ENTREP2: variants seen among roughly 807,000 people sequenced by gnomAD.
ENTREP2 encodes endosomal transmembrane epsin interactor 2, also known as protein ENTREP2.
the ENTREP2 span, among the ~76,000 whole-genome samples, chr15:29,355,582 G>A: frequency 6.6e-6 from 1 of 151,908 alleles, no homozygotes; most frequent in Non-Finnish European, 1.5e-5. Context: ...CCAGAGAAGA[G>A]CCCAGAACAA....
the ENTREP2 span, among the ~76,000 whole-genome samples, chr15:29,562,408 G>A: frequency 4.6e-5 from 7 of 152,154 alleles, no homozygotes; most frequent in South Asian, 6.2e-4. Context: ...GCAACATCAT[G>A]TCCACAGCTT....
the ENTREP2 span, among the ~76,000 whole-genome samples, chr15:29,629,733 A>G: frequency 6.8e-6 from 1 of 147,916 alleles, no homozygotes; most frequent in Admixed American, 6.6e-5. Context: ...TACTTATTCT[A>G]TTGTTTTTTT....
At chr15:29,571,466 A>C in the ENTREP2 span, among the ~76,000 whole-genome samples, 14 of 151,338 alleles carry the variant, frequency 9.3e-5, no homozygotes, top group Non-Finnish European at 4.4e-5. Context: ...TCTTGAATGC[A>C]AAAATCCAAG....
the ENTREP2 span, among the ~76,000 whole-genome samples, chr15:29,612,106 A>G: frequency 6.6e-6 from 1 of 152,178 alleles, no homozygotes; most frequent in South Asian, 2.1e-4. Flanking sequence ...CCTCCTTCGG[A>G]GTCAGTAGAT....
At chr15:29,520,349 A>G in the ENTREP2 span, among the ~76,000 whole-genome samples, 1 of 152,228 alleles carries the variant, frequency 6.6e-6, no homozygotes, top group Non-Finnish European at 1.5e-5. Flanking sequence ...AAAGCTGACC[A>G]ATGCAAACAA....
the ENTREP2 span, among the ~76,000 whole-genome samples, chr15:29,194,380 G>A: frequency 1.3e-5 from 2 of 152,182 alleles, no homozygotes; most frequent in Admixed American, 6.5e-5. Context: ...CACAACTCCT[G>A]CCTCCTTTGA....
chr15:29,139,065 C>T, the ENTREP2 span, among the ~76,000 whole-genome samples: 3 of 152,056 alleles, frequency 2.0e-5, no homozygotes, highest in African/African-American at 7.2e-5. Flanking sequence ...GAGGTGCCTT[C>T]TGGCAGCAGG....
chr15:29,461,561 A>G, the ENTREP2 span, among the ~76,000 whole-genome samples: 4 of 152,044 alleles, frequency 2.6e-5, no homozygotes, highest in Admixed American at 1.3e-4. Context: ...GGCTCACTGT[A>G]ACCTCCGCCT....
chr15:29,139,071 G>A, the ENTREP2 span, among the ~76,000 whole-genome samples: 2 of 152,284 alleles, frequency 1.3e-5, no homozygotes, highest in East Asian at 3.9e-4. Flanking sequence ...CCTTCTGGCA[G>A]CAGGGGTAGG....
At chr15:29,640,241 C>T in the ENTREP2 span, among the ~76,000 whole-genome samples, 1 of 151,964 alleles carries the variant, frequency 6.6e-6, no homozygotes, top group African/African-American at 2.4e-5. Context: ...ATCTGTATGC[C>T]AACAAATTAG....
the ENTREP2 span, among the ~76,000 whole-genome samples, chr15:29,283,356 CT>C: frequency 1.3e-5 from 2 of 151,570 alleles, no homozygotes; most frequent in Middle Eastern, 3.4e-3. Context: ...ATCTCTTCTT[CT>C]TTTTTTTTGG....
the ENTREP2 span, among the ~76,000 whole-genome samples, chr15:29,296,500 A>T: frequency 6.6e-6 from 1 of 152,216 alleles, no homozygotes; most frequent in African/African-American, 2.4e-5. Flanking sequence ...CAAAACTACA[A>T]AATAACTAGG....
the ENTREP2 span, chr15:29,126,440 C>G: frequency 5.8e-6 from 9 of 1,549,896 alleles, no homozygotes; most frequent in Non-Finnish European, 7.8e-6. Flanking sequence ...TGGGCTGGAA[C>G]CTGGCGTAGC....
chr15:29,186,724 A>G, the ENTREP2 span, among the ~76,000 whole-genome samples: 1 of 152,226 alleles, frequency 6.6e-6, no homozygotes. Flanking sequence ...TTTGAGACCT[A>G]GTATGGCTTC....
the ENTREP2 span, among the ~76,000 whole-genome samples, chr15:29,444,220 A>G: frequency 2.6e-5 from 4 of 150,996 alleles, no homozygotes; most frequent in East Asian, 7.9e-4. Flanking sequence ...GAAAGAAAGA[A>G]AGAAAGAAAG....
At chr15:29,347,988 G>A in the ENTREP2 span, among the ~76,000 whole-genome samples, 1 of 152,192 alleles carries the variant, frequency 6.6e-6, no homozygotes, top group Admixed American at 6.5e-5. Context: ...CAAATATAGA[G>A]GGGCACCATC....
At chr15:29,502,961 A>G in the ENTREP2 span, among the ~76,000 whole-genome samples, 1 of 152,006 alleles carries the variant, frequency 6.6e-6, no homozygotes, top group South Asian at 2.1e-4. Context: ...ACCAGAAAAT[A>G]AGTGTTGGCA....
chr15:29,358,922 T>C, the ENTREP2 span, among the ~76,000 whole-genome samples: 2 of 152,146 alleles, frequency 1.3e-5, no homozygotes, highest in East Asian at 3.9e-4. Context: ...CAGAGAGAAA[T>C]TAAAGAAAAA....
chr15:29,379,731 A>G, the ENTREP2 span, among the ~76,000 whole-genome samples: 1 of 152,134 alleles, frequency 6.6e-6, no homozygotes, highest in Admixed American at 6.5e-5. Flanking sequence ...TGCATCCTGC[A>G]TGGTAAAATG....
Sources: allele counts gnomAD v4.1 joint callset (sites outside exome capture counted in the v4.1 genomes callset), GRCh38; gene constraint gnomAD v4.1.1; transcripts MANE v1.5; gene names NCBI Gene and HGNC (gene_info 2026-07-23, HGNC 2026-07-21).